Variants in PHF24 observed in about 807,000 individuals in gnomAD.
PHF24 encodes the protein Galpha inhibitory interacting protein.
A neutral mutation model predicts 42.6 loss-of-function variants in PHF24; 25 were observed. The ratio of observed to expected loss-of-function variants is 0.59; its 90% CI spans 0.43 to 0.82. The LOEUF is 0.82. PHF24 is among the 40% of genes least tolerant of loss of function. The probability of loss-of-function intolerance (pLI) is 0.00; values close to 1 mark genes in which losing one functional copy is unlikely to be tolerated. For synonymous variants in PHF24, 185 were observed against 204.8 expected (o/e 0.90, Z 0.83); for missense variants, 470 against 538.1 (o/e 0.87, Z 1.25).
chr9:34,698,244 G>A, the PHF24 span, among the ~76,000 whole-genome samples: 3 of 152,072 alleles, frequency 2.0e-5, no homozygotes, highest in Non-Finnish European at 4.4e-5. Flanking sequence ...GGGGGATCCT[G>A]GATCTCTTTC....
chr9:34,887,085 T>C, the PHF24 span, among the ~76,000 whole-genome samples: 1 of 152,214 alleles, frequency 6.6e-6, no homozygotes, highest in Admixed American at 6.5e-5. Context: ...ATCCTGCCAG[T>C]TGTTCAGGGC....
the PHF24 span, chr9:34,689,649 C>G: frequency 1.4e-6 from 1 of 726,128 alleles, no homozygotes; most frequent in Non-Finnish European, 2.4e-6. This position sits in a 1 kb window ranked among gnomAD's most constrained non-coding sequence, Gnocchi z 4.1. Context: ...CACACTCACC[C>G]TCTCGCTCAC....
At chr9:34,915,941 G>A in the PHF24 span, among the ~76,000 whole-genome samples, 3 of 151,894 alleles carry the variant, frequency 2.0e-5, no homozygotes, top group Admixed American at 6.6e-5. Flanking sequence ...ACCAACCCTG[G>A]TGCTGTTCTC....
chr9:34,875,946 A>ACTCTCTCTCTCTCTCTCTCT, the PHF24 span, among the ~76,000 whole-genome samples: 5 of 89,080 alleles, frequency 5.6e-5, no homozygotes, highest in African/African-American at 2.0e-4. Flanking sequence ...ACACACACAC[A>ACTCTCTCTCTCTCTCTCTCT]CACACTCTCT....
the PHF24 span, among the ~76,000 whole-genome samples, chr9:34,673,639 T>G: frequency 1.3e-5 from 2 of 150,782 alleles, no homozygotes; most frequent in African/African-American, 4.9e-5. Context: ...TTTTTTTTTT[T>G]GAGACGGAGT....
the PHF24 span, chr9:34,729,349 T>C: frequency 1.5e-5 from 23 of 1,551,846 alleles, no homozygotes; most frequent in East Asian, 2.7e-4. Flanking sequence ...TGCCAGATAA[T>C]TACAATAACG....
At chr9:34,830,613 C>T in the PHF24 span, among the ~76,000 whole-genome samples, 242 of 152,222 alleles carry the variant, frequency 1.6e-3, no homozygotes, top group African/African-American at 4.9e-3. Flanking sequence ...ACCAAAGCTG[C>T]CTTTGGTGGT....
At chr9:34,969,216 C>A (rs1826885054) in intron 1 of PHF24, among the ~76,000 whole-genome samples, 1 of 152,220 alleles carries the variant, frequency 6.6e-6, no homozygotes, top group South Asian at 2.1e-4. Flanking sequence ...AAGTTTTAAT[C>A]AGGGGATAAC....
the PHF24 span, among the ~76,000 whole-genome samples, chr9:34,892,173 C>T: frequency 1.3e-5 from 2 of 152,092 alleles, no homozygotes; most frequent in Admixed American, 6.6e-5. Context: ...GGACAGAGGC[C>T]ACTTAGAAGC....
chr9:34,857,971 G>GTTTTTTTT, the PHF24 span, among the ~76,000 whole-genome samples: 1 of 109,806 alleles, frequency 9.1e-6, no homozygotes, highest in Non-Finnish European at 1.8e-5. Context: ...TTGTTTCTCT[G>GTTTTTTTT]GTTTTTTTTT....
At chr9:34,951,513 G>A in the PHF24 span, among the ~76,000 whole-genome samples, 5 of 152,262 alleles carry the variant, frequency 3.3e-5, no homozygotes, top group Middle Eastern at 3.4e-3. Flanking sequence ...ATCTATTGCT[G>A]GCTTTGAAGA....
the PHF24 span, among the ~76,000 whole-genome samples, chr9:34,755,117 G>A: frequency 6.6e-6 from 1 of 152,008 alleles, no homozygotes; most frequent in African/African-American, 2.4e-5. Context: ...AAAATAGAAG[G>A]AATGAATGAA....
chr9:34,840,777 C>T, the PHF24 span, among the ~76,000 whole-genome samples: 2 of 151,972 alleles, frequency 1.3e-5, no homozygotes, highest in African/African-American at 2.4e-5. Context: ...ATGGCTGAAA[C>T]ACAGTTCATC....
the PHF24 span, among the ~76,000 whole-genome samples, chr9:34,771,118 T>C: frequency 6.6e-6 from 1 of 152,066 alleles, no homozygotes; most frequent in East Asian, 1.9e-4. Context: ...TGTCTCGAAG[T>C]AAATAAATAA....
chr9:34,684,621 T>A, the PHF24 span, among the ~76,000 whole-genome samples: 1 of 152,176 alleles, frequency 6.6e-6, no homozygotes, highest in Non-Finnish European at 1.5e-5. Flanking sequence ...TGGGGGTTCC[T>A]CAACTGATGA....
chr9:34,688,589 G>A, the PHF24 span, among the ~76,000 whole-genome samples: 14 of 152,188 alleles, frequency 9.2e-5, no homozygotes, highest in South Asian at 8.3e-4. Context: ...CTTCCACCCC[G>A]TGGGCCTCTC....
At chr9:34,704,164 C>G in the PHF24 span, among the ~76,000 whole-genome samples, 3 of 151,628 alleles carry the variant, frequency 2.0e-5, no homozygotes, top group Non-Finnish European at 4.4e-5. Flanking sequence ...GTCGCTAGGA[C>G]AATAGGCCTG....
At chr9:34,832,364 G>T in the PHF24 span, 1 of 818,052 alleles carries the variant, frequency 1.2e-6, no homozygotes, top group Non-Finnish European at 2.0e-6. Context: ...GGTGGGGGTG[G>T]CCTGGGGTTG....
the PHF24 span, among the ~76,000 whole-genome samples, chr9:34,826,206 C>A: frequency 6.6e-6 from 1 of 152,164 alleles, no homozygotes; most frequent in African/African-American, 2.4e-5. Flanking sequence ...ATGCACAGAC[C>A]TCTGTAAGCC....
Sources: gnomAD v4.1 joint callset for allele counts (sites outside exome capture counted in the v4.1 genomes callset) on GRCh38, gnomAD v4.1.1 for gene constraint, Gnocchi (gnomAD v3.1) non-coding constraint, MANE v1.5 for transcripts, NCBI Gene and HGNC (gene_info 2026-07-23, HGNC 2026-07-21) for gene names.